The following ZMIZ1 variants were observed in gnomAD, a reference collection of about 807,000 sequenced individuals.
The protein encoded by ZMIZ1 is zinc finger MIZ-type containing 1.
Under a neutral mutation model 113.9 loss-of-function variants are expected in ZMIZ1, and 17 were observed. The ratio of observed to expected loss-of-function variants is 0.15; its 90% CI spans 0.10 to 0.22. The LOEUF (loss-of-function observed/expected upper bound fraction) is 0.22. ZMIZ1 is among the 10% of genes least tolerant of loss of function. ZMIZ1 has a pLI of 1.00. For missense variants in ZMIZ1, 1,059 were observed against 1,477.8 expected (o/e 0.72, Z 4.65); for synonymous variants, 607 against 603.1 (o/e 1.01, Z -0.09).
At chr10:79,304,437 A>G (rs770934912) in intron 19 of ZMIZ1, among the ~76,000 whole-genome samples, 1 of 152,234 alleles carries the variant, frequency 6.6e-6, no homozygotes, top group Non-Finnish European at 1.5e-5. Context: ...TGGAAGTCCC[A>G]CACACATGTC....
chr10:79,258,399 G>A (rs1361117109), intron 7 of ZMIZ1, among the ~76,000 whole-genome samples: 10 of 150,020 alleles, frequency 6.7e-5, no homozygotes, highest in African/African-American at 2.5e-4. Context: ...GAAAAAAAAA[G>A]AAGAAGAAGA....
intron 7 of ZMIZ1, among the ~76,000 whole-genome samples, chr10:79,235,443 C>T (rs894005286): frequency 1.3e-5 from 2 of 152,240 alleles, no homozygotes; most frequent in African/African-American, 4.8e-5. Flanking sequence ...CCTTTTACCT[C>T]TCCTAGCACC....
rs1242676688 is a variant in ZMIZ1, at chr10:79,248,336, G to A, written c.281-28845G>A. On this transcript the variant is annotated intron_variant, in intron 7 of 24. Transcript: ENST00000334512. ...GCTTGGAAACCAGGAGAGGTATGGC[G>A]CTTGATGAGAAAGGAGGATGTCCCT... Among the ~76,000 whole-genome samples, 6 of 152,164 alleles carry A rather than the reference G, an allele frequency of 3.9e-5. No individual in the cohort carries two copies. The East Asian group carries it at 7.7e-4, about 20-fold the overall frequency.
rs186165995 is a variant in ZMIZ1, at chr10:79,211,735, G to A, written c.174+3286G>A. On this transcript the variant is annotated intron_variant, in intron 6 of 24. Coordinates refer to ENST00000334512, the MANE Select transcript of ZMIZ1 (RefSeq NM_020338.4). ...ACCCCCAGGCCCTGCCCCAGGGGCC[G>A]GCACAAGCCCCGGGCCACCACTTCC... Among the ~76,000 whole-genome samples the A allele has an allele frequency of 1.2e-4, 19 of 152,284 alleles. No individual in the cohort carries two copies. In the East Asian group the frequency reaches 3.3e-3, roughly 26 times the overall value.
intron 1 of ZMIZ1, among the ~76,000 whole-genome samples, chr10:79,085,857 C>T (rs1353727752): frequency 1.3e-5 from 2 of 152,204 alleles, no homozygotes; most frequent in African/African-American, 4.8e-5. Flanking sequence ...TCCCGCCTAC[C>T]ACTGCTCCCT....
At chr10:79,160,971 C>T (rs1057138017) in intron 3 of ZMIZ1, among the ~76,000 whole-genome samples, 1 of 152,212 alleles carries the variant, frequency 6.6e-6, no homozygotes, top group African/African-American at 2.4e-5. Context: ...TCTGCACATC[C>T]CAGCCTCCAG....
chr10:79,300,170 G>C (rs940766879), intron 16 of ZMIZ1, among the ~76,000 whole-genome samples: 19 of 152,252 alleles, frequency 1.2e-4, no homozygotes, highest in African/African-American at 3.6e-4. Context: ...CCTGCACCCT[G>C]CTCACCCACG....
At chr10:79,091,284 C>A (rs943816744) in intron 1 of ZMIZ1, among the ~76,000 whole-genome samples, 1 of 152,042 alleles carries the variant, frequency 6.6e-6, no homozygotes, top group East Asian at 1.9e-4. Context: ...TTTATGTGGG[C>A]AACTGCCTAT....
At chr10:79,310,773 C>G (rs1855090654) in intron 23 of ZMIZ1, 151 bp from the exon 24 acceptor site, 2 of 929,548 alleles carry the variant, frequency 2.2e-6, no homozygotes, top group Non-Finnish European at 3.1e-6. Context: ...CTTTGTTTCT[C>G]TGCCCAGAAA....
chr10:79,107,084 C>T (rs1843585996), intron 1 of ZMIZ1, among the ~76,000 whole-genome samples: 1 of 152,212 alleles, frequency 6.6e-6, no homozygotes, highest in Admixed American at 6.5e-5. Context: ...TCACTTTTTT[C>T]AGGTGAGGAA....
At chr10:79,290,937 A>G (rs1387629249) in intron 9 of ZMIZ1, 22 bp from the exon 10 acceptor site, 2 of 1,609,730 alleles carry the variant, frequency 1.2e-6, no homozygotes, top group Non-Finnish European at 1.7e-6. Context: ...ACCTTAGGTG[A>G]CAACCACTTC....
At chr10:79,300,328 G>A (rs1455710138) in intron 16 of ZMIZ1, among the ~76,000 whole-genome samples, 3 of 152,276 alleles carry the variant, frequency 2.0e-5, no homozygotes, top group Admixed American at 6.5e-5. Context: ...AGAAATGGCC[G>A]TGGCCTGGGA....
chr10:79,123,484 A>AG (rs1328857439), intron 2 of ZMIZ1, among the ~76,000 whole-genome samples: 1 of 152,124 alleles, frequency 6.6e-6, no homozygotes, highest in Non-Finnish European at 1.5e-5. Flanking sequence ...TGAAGAGTGG[A>AG]GGTGGCAGTA....
chr10:79,122,219 C>T (rs542974047), intron 2 of ZMIZ1, among the ~76,000 whole-genome samples: 40 of 152,228 alleles, frequency 2.6e-4, no homozygotes, highest in African/African-American at 9.1e-4. Context: ...CCATAAGCCT[C>T]ATCTGCCAAT....
rs976278102 is a variant in ZMIZ1, at chr10:79,138,171, A to G, written c.-226-1511A>G. Among the ~76,000 whole-genome samples the G allele has an allele frequency of 3.3e-5, 5 of 152,300 alleles. No individual in the cohort carries two copies. The East Asian group carries it at 5.8e-4, about 18-fold the overall frequency. ...GAGGCCCCAGTGCTGCGGGGTGCCC[A>G]CCATTGCCAGCCTCCTCTCAAAGCA... On this transcript the variant is annotated intron_variant, in intron 2 of 24. Coordinates refer to ENST00000334512, the MANE Select transcript of ZMIZ1 (RefSeq NM_020338.4).
chr10:79,204,890 G>A (rs1297601286), intron 5 of ZMIZ1, among the ~76,000 whole-genome samples: 1 of 152,198 alleles, frequency 6.6e-6, no homozygotes, highest in Non-Finnish European at 1.5e-5. Flanking sequence ...TGAATGAAGG[G>A]ATGGATGAGT....
chr10:79,165,948 C>CTGTGTGTGTG lies in ZMIZ1; in HGVS notation c.-50+3860_-50+3869dup, dbSNP rs1174980856. 8.6e-3 allele frequency among the ~76,000 whole-genome samples: 515 copies of CTGTGTGTGTG among 59,784 alleles called. 7 individuals are homozygous for CTGTGTGTGTG. The highest frequency in any genetic ancestry group is 0.03 in the East Asian group (72 of 2,374). The allele number at this position is 59,784 out of a possible 152,430, so 39.2% of individuals were successfully genotyped here. A position where few individuals can be genotyped will look rare whatever the true frequency, so the allele number is the denominator to read the frequency against. ...CCTTGGCCTCCAAGCCCCAGCTCAG[C>CTGTGTGTGTG]TGTGTGTGTGTGTGTGTGTGTGTGT... On this transcript the variant is annotated intron_variant, in intron 4 of 24. Transcript: ENST00000334512.
chr10:79,315,241 G>A lies in ZMIZ1; in HGVS notation c.*2492G>A, dbSNP rs1423141318. On this transcript the variant is annotated 3_prime_UTR_variant, in exon 25 of 25. Coordinates refer to ENST00000334512, the MANE Select transcript of ZMIZ1 (RefSeq NM_020338.4). ...CGTGGTGCCTACAGCCTGCAGTCTG[G>A]AGACAAGCTCTTCCGGAGTGCTCTG... The A allele has an allele frequency of 6.5e-6, 1 of 152,826 alleles. No homozygotes were observed. Among genetic ancestry groups the A allele is most frequent in the Admixed American group, 6.5e-5 (1 of 15,294 alleles). The allele number at this position is 152,826 out of a possible 1,614,324, so 9.5% of individuals were successfully genotyped here.
At chr10:79,217,154 T>A (rs1327156403) in intron 7 of ZMIZ1, among the ~76,000 whole-genome samples, 1 of 152,230 alleles carries the variant, frequency 6.6e-6, no homozygotes, top group Non-Finnish European at 1.5e-5. Context: ...CCGGGCGCGG[T>A]GGCTCACGCC....
Sources: allele counts gnomAD v4.1 joint callset (sites outside exome capture counted in the v4.1 genomes callset), GRCh38; gene constraint gnomAD v4.1.1; transcripts MANE v1.5; gene names NCBI Gene and HGNC (gene_info 2026-07-23, HGNC 2026-07-21).